The following PTPRG variants were observed in gnomAD, a reference collection of about 807,000 sequenced individuals.
PTPRG encodes the protein protein tyrosine phosphatase receptor type G, also known as receptor-type tyrosine-protein phosphatase gamma.
In PTPRG, 102 loss-of-function variants were observed where a neutral mutation model predicts 165.3. The ratio of observed to expected loss-of-function variants is 0.62; its 90% CI spans 0.53 to 0.73. The LOEUF (loss-of-function observed/expected upper bound fraction) is 0.73. Among genes scored for constraint, PTPRG ranks in the 30% least tolerant of loss-of-function variants. The pLI, the probability that PTPRG is intolerant of heterozygous loss-of-function variation, is 0.00. For missense variants in PTPRG, 1,866 were observed against 1,861.4 expected, an observed-to-expected ratio of 1.00 and a Z score of -0.05; for synonymous variants, 675 against 669.5, an observed-to-expected ratio of 1.01 and a Z score of -0.13.
chr3:62,250,326 C>G (rs1701383901), intron 15 of PTPRG, among the ~76,000 whole-genome samples: 2 of 152,156 alleles, frequency 1.3e-5, no homozygotes, highest in African/African-American at 4.8e-5. Flanking sequence ...ACACAGCAAG[C>G]ATCTCATCAC....
intron 2 of PTPRG, among the ~76,000 whole-genome samples, chr3:61,837,176 G>T: frequency 6.6e-6 from 1 of 152,240 alleles, no homozygotes; most frequent in East Asian, 1.9e-4. Context: ...GCCTCCCAAA[G>T]TGTTGGGATT....
chr3:62,232,852 C>G (rs368460073), intron 14 of PTPRG, among the ~76,000 whole-genome samples: 3 of 152,286 alleles, frequency 2.0e-5, no homozygotes, highest in African/African-American at 7.2e-5. Flanking sequence ...TGAATCATAT[C>G]ATTTACTTTT....
At chr3:61,888,391 T>C (rs974889502) in intron 2 of PTPRG, among the ~76,000 whole-genome samples, 86 of 152,046 alleles carry the variant, frequency 5.7e-4, no homozygotes, top group Non-Finnish European at 6.9e-4. Context: ...TGGAGTGCAG[T>C]GGTGCAATCT....
chr3:61,952,118 G>GAAAA (rs35655816), intron 2 of PTPRG, among the ~76,000 whole-genome samples: 9 of 79,652 alleles, frequency 1.1e-4, no homozygotes, highest in Non-Finnish European at 1.7e-4. Flanking sequence ...CTCCACCTCA[G>GAAAA]AAAAAAAAAA....
At chr3:62,070,425 CT>C (rs1701171162) in intron 4 of PTPRG, among the ~76,000 whole-genome samples, 1 of 152,310 alleles carries the variant, frequency 6.6e-6, no homozygotes, top group African/African-American at 2.4e-5. Flanking sequence ...TATCACTTGG[CT>C]GTCCTTGCTT....
rs566628822 is a variant in PTPRG, at chr3:62,170,365, G to T, written c.1033+2202G>T. On this transcript the variant is annotated intron_variant, in intron 8 of 29. Transcript: ENST00000474889. The stretch of plus-strand genomic sequence containing the variant: ...AGTTATATGCAGAGGATGTGGATTG[G>T]GGGGGTGAGGAATTCCTATCACAAG... Among the ~76,000 whole-genome samples the T allele has an allele frequency of 7.2e-5, 11 of 152,194 alleles. No individual in the cohort carries two copies. In the East Asian group the frequency reaches 9.7e-4, roughly 13 times the overall value.
At chr3:62,289,850 T>C (rs1025531853) in intron 28 of PTPRG, among the ~76,000 whole-genome samples, 1 of 152,086 alleles carries the variant, frequency 6.6e-6, no homozygotes, top group African/African-American at 2.4e-5. Context: ...ATACTTGCTT[T>C]CAGTTCTAGC....
At chr3:61,625,658 C>G (rs1221910369) in intron 1 of PTPRG, among the ~76,000 whole-genome samples, 4 of 152,092 alleles carry the variant, frequency 2.6e-5, no homozygotes, top group Admixed American at 1.3e-4. Flanking sequence ...ATGTTTGCTG[C>G]TCTCGATGAA....
chr3:61,848,473 AT>A (rs916389982), intron 2 of PTPRG, among the ~76,000 whole-genome samples: 1 of 152,180 alleles, frequency 6.6e-6, no homozygotes, highest in Non-Finnish European at 1.5e-5. Context: ...GAACATTTGC[AT>A]TTTTTATCTT....
intron 1 of PTPRG, among the ~76,000 whole-genome samples, chr3:61,731,133 G>A (rs2032475310): frequency 1.3e-5 from 2 of 152,104 alleles, no homozygotes; most frequent in South Asian, 4.1e-4. Flanking sequence ...ACCAAGGAAC[G>A]ATTTGGCTCC....
intron 1 of PTPRG, among the ~76,000 whole-genome samples, chr3:61,702,474 T>C (rs1197523408): frequency 2.0e-5 from 3 of 152,350 alleles, no homozygotes; most frequent in East Asian, 3.9e-4. Context: ...TACAAAACTT[T>C]TCATTAAACA....
Position 62,269,064 on chromosome 3 carries a change from G to C in PTPRG, c.2904G>C (p.Glu968Asp). ...RRKCDQYWPT[E>D]NSEEYGNIIV... is the part of the protein sequence containing the mutation. ...AATGTGATCAGTATTGGCCAACAGA[G>C]AACAGTGAGGAATATGGAAACATTA... is the stretch of plus-strand genomic sequence containing the variant. The change falls in exon 20 of 30, where the codon GAG becomes GAC. Residue 968 changes from glutamate to aspartate, a missense_variant. Glu to Asp is a conservative substitution (Grantham distance 45). Transcript: ENST00000474889. The C allele has an allele frequency of 6.2e-7, 1 of 1,602,340 alleles. No homozygotes were observed. Among genetic ancestry groups the C allele is most frequent in the African/African-American group, 1.3e-5 (1 of 74,860 alleles).
chr3:61,968,409 A>G (rs2040316701), intron 2 of PTPRG, among the ~76,000 whole-genome samples: 1 of 152,176 alleles, frequency 6.6e-6, no homozygotes, highest in Non-Finnish European at 1.5e-5. Flanking sequence ...TATGAAGCCC[A>G]TCTGTGCATA....
intron 28 of PTPRG, among the ~76,000 whole-genome samples, chr3:62,283,117 C>T (rs1702515272): frequency 6.6e-6 from 1 of 152,084 alleles, no homozygotes; most frequent in Non-Finnish European, 1.5e-5. Context: ...AGTATTATAT[C>T]TTAGCCTACA....
chr3:61,842,840 A>G (rs1013884627), intron 2 of PTPRG, among the ~76,000 whole-genome samples: 1 of 152,184 alleles, frequency 6.6e-6, no homozygotes, highest in African/African-American at 2.4e-5. Context: ...GACAACCTGG[A>G]GGGGAGCATA....
chr3:61,732,850 G>A (rs1276205534), intron 1 of PTPRG, among the ~76,000 whole-genome samples: 4 of 152,226 alleles, frequency 2.6e-5, no homozygotes, highest in Admixed American at 2.0e-4. Flanking sequence ...GTGAACATAT[G>A]CCTGCGTGGA....
At chr3:61,874,907 A>G (rs1016646804) in intron 2 of PTPRG, among the ~76,000 whole-genome samples, 1 of 152,204 alleles carries the variant, frequency 6.6e-6, no homozygotes, top group South Asian at 2.1e-4. Flanking sequence ...TGGCATCACA[A>G]AATTTGTCTT....
chr3:62,165,017 G>C (rs898756762), intron 7 of PTPRG, among the ~76,000 whole-genome samples: 2 of 152,056 alleles, frequency 1.3e-5, no homozygotes, highest in Non-Finnish European at 2.9e-5. Flanking sequence ...AAGTCATCCT[G>C]AAAGTTAAGG....
chr3:61,969,224 A>T (rs1032314126), intron 2 of PTPRG, among the ~76,000 whole-genome samples: 1 of 152,230 alleles, frequency 6.6e-6, no homozygotes, highest in Non-Finnish European at 1.5e-5. Flanking sequence ...AGGTGTGCAC[A>T]TGACAATGTG....
Sources: gnomAD v4.1 joint callset for allele counts (sites outside exome capture counted in the v4.1 genomes callset) on GRCh38, gnomAD v4.1.1 for gene constraint, MANE v1.5 for transcripts, NCBI Gene and HGNC (gene_info 2026-07-23, HGNC 2026-07-21) for gene names.